EEFSEC: variants seen among roughly 807,000 people sequenced by gnomAD.
EEFSEC encodes the protein selenocysteine-specific elongation factor.
EEFSEC carries 43 observed loss-of-function variants against 42.1 expected under a neutral mutation model. That is an observed-to-expected ratio of 1.02 (90% CI 0.80 to 1.32). EEFSEC has a LOEUF of 1.32. Among genes scored for constraint, EEFSEC ranks in the 40% most tolerant of loss-of-function variants. EEFSEC has a pLI of 0.00. For synonymous variants in EEFSEC, 354 were observed against 339.1 expected, an observed-to-expected ratio of 1.04 and a Z score of -0.48; for missense variants, 745 against 803.6, an observed-to-expected ratio of 0.93 and a Z score of 0.88.
chr3:128,188,839 C>T (rs538181328), intron 1 of EEFSEC, among the ~76,000 whole-genome samples: 151 of 152,312 alleles, frequency 9.9e-4, no homozygotes, highest in African/African-American at 3.3e-3. Context: ...TTACTGGATT[C>T]CCCTCCCAGC....
At chr3:128,222,364 A>G (rs761147708) in intron 1 of EEFSEC, among the ~76,000 whole-genome samples, 3 of 152,180 alleles carry the variant, frequency 2.0e-5, no homozygotes, top group Non-Finnish European at 1.5e-5. Context: ...AGAAGTACTC[A>G]TGTATGTTGA....
intron 1 of EEFSEC, among the ~76,000 whole-genome samples, chr3:128,223,940 A>G (rs909349697): frequency 6.6e-6 from 1 of 151,888 alleles, no homozygotes; most frequent in Admixed American, 6.6e-5. Flanking sequence ...TCCCTTTTAC[A>G]TTTATTATTA....
chr3:128,300,167 TCC>T (rs2066751435), intron 4 of EEFSEC, among the ~76,000 whole-genome samples: 1 of 152,242 alleles, frequency 6.6e-6, no homozygotes, highest in African/African-American at 2.4e-5. Context: ...TCTGGCCACC[TCC>T]CCAGCTGCCT....
In EEFSEC at chr3:128,397,611, C is replaced by T. The variant is rs146003354; in HGVS notation, c.1601-10458C>T. ...GTCCAGTGTCCTTCCCATCCAGACA[C>T]TTGTCAAACCTCAGCCCCGCCCAGG... On this transcript the variant is annotated intron_variant, in intron 6 of 6. Coordinates refer to ENST00000254730, the MANE Select transcript of EEFSEC (RefSeq NM_021937.5). Among the ~76,000 whole-genome samples the T allele has an allele frequency of 3.5e-3, 527 of 152,356 alleles. 1 individual carries two copies. Among genetic ancestry groups the T allele is most frequent in the African/African-American group, 0.012 (487 of 41,590 alleles).
chr3:128,247,148 T>G, intron 2 of EEFSEC, 105 bp downstream of exon 2: 1 of 1,175,382 alleles, frequency 8.5e-7, no homozygotes, highest in Non-Finnish European at 1.2e-6. Flanking sequence ...CAGCCTCCCG[T>G]CCTAGTAAGT....
At chr3:128,198,238 A>T (rs1381268603) in intron 1 of EEFSEC, among the ~76,000 whole-genome samples, 1 of 152,206 alleles carries the variant, frequency 6.6e-6, no homozygotes, top group Non-Finnish European at 1.5e-5. Flanking sequence ...ATAGCTCTGG[A>T]GTGGAGTGCC....
At chr3:128,323,461 T>C (rs1449062852) in intron 4 of EEFSEC, among the ~76,000 whole-genome samples, 1 of 152,230 alleles carries the variant, frequency 6.6e-6, no homozygotes, top group African/African-American at 2.4e-5. Flanking sequence ...TTTGAAGTGC[T>C]GGAAACAGCA....
intron 6 of EEFSEC, among the ~76,000 whole-genome samples, chr3:128,373,255 G>T (rs1290666247): frequency 6.6e-6 from 1 of 152,192 alleles, no homozygotes; most frequent in Non-Finnish European, 1.5e-5. Context: ...GTGGAGTTCC[G>T]TGCAATGTGG....
chr3:128,389,053 T>G (rs1230018671), intron 6 of EEFSEC, among the ~76,000 whole-genome samples: 1 of 151,876 alleles, frequency 6.6e-6, no homozygotes, highest in Non-Finnish European at 1.5e-5. Flanking sequence ...AGGGCAGGAG[T>G]TCCAGGCAAG....
At chr3:128,217,889 G>A (rs760010811) in intron 1 of EEFSEC, among the ~76,000 whole-genome samples, 4 of 152,178 alleles carry the variant, frequency 2.6e-5, no homozygotes, top group East Asian at 1.9e-4. Flanking sequence ...GGAACTATGC[G>A]AACATTTTTC....
chr3:128,364,338 A>T (rs1487738426), intron 6 of EEFSEC, among the ~76,000 whole-genome samples: 1 of 152,024 alleles, frequency 6.6e-6, no homozygotes, highest in African/African-American at 2.4e-5. Flanking sequence ...GTGGCTGGGA[A>T]TGGGGGAAAG....
intron 6 of EEFSEC, among the ~76,000 whole-genome samples, chr3:128,369,929 A>T (rs761925859): frequency 1.3e-5 from 2 of 152,234 alleles, no homozygotes; most frequent in Non-Finnish European, 2.9e-5. Context: ...CTGCAGAACC[A>T]CAACGCAGTT....
At chr3:128,374,915 A>C (rs1426573446) in intron 6 of EEFSEC, among the ~76,000 whole-genome samples, 1 of 152,204 alleles carries the variant, frequency 6.6e-6, no homozygotes, top group Admixed American at 6.5e-5. Flanking sequence ...CTGGCACTGG[A>C]GCTCATGCTC....
At chr3:128,273,679 T>C (rs1431259530) in intron 4 of EEFSEC, among the ~76,000 whole-genome samples, 2 of 152,248 alleles carry the variant, frequency 1.3e-5, no homozygotes, top group Admixed American at 6.5e-5. Context: ...GGCCTGGACC[T>C]GTGACAGTGG....
At chr3:128,210,739 A>G (rs2065747635) in intron 1 of EEFSEC, among the ~76,000 whole-genome samples, 1 of 152,220 alleles carries the variant, frequency 6.6e-6, no homozygotes, top group Non-Finnish European at 1.5e-5. Flanking sequence ...CACACGTGTC[A>G]TGACATTGAG....
intron 1 of EEFSEC, among the ~76,000 whole-genome samples, chr3:128,180,616 A>G (rs891812209): frequency 1.3e-5 from 2 of 152,258 alleles, no homozygotes; most frequent in African/African-American, 4.8e-5. Context: ...AGTGAATTAC[A>G]GATGTGCAGT....
chr3:128,242,071 A>G (rs903120161), intron 1 of EEFSEC, among the ~76,000 whole-genome samples: 3 of 152,220 alleles, frequency 2.0e-5, no homozygotes, highest in African/African-American at 7.2e-5. Flanking sequence ...TCCTAGTAGC[A>G]CTTTGGGAGC....
chr3:128,358,268 A>G lies in EEFSEC; in HGVS notation c.1495A>G (p.Asn499Asp). 1 of 1,614,230 alleles carries G rather than the reference A, an allele frequency of 6.2e-7. No individual in the cohort carries two copies. The highest frequency in any genetic ancestry group is 8.5e-7 in the Non-Finnish European group (1 of 1,180,030). Reference protein sequence around the residue: ...IGRSLFKKETNIQLFVGLKVH... With the variant: ...IGRSLFKKETDIQLFVGLKVH... ...CCGCTCCCTGTTCAAAAAGGAAACC[A>G]ACATCCAGCTCTTCGTGGGGCTCAA... Residue 499 changes from asparagine to aspartate, a missense_variant, in exon 6 of 7, where the codon AAC becomes GAC. Coordinates refer to ENST00000254730, the MANE Select transcript of EEFSEC (RefSeq NM_021937.5).
chr3:128,211,986 A>T (rs1197777315), intron 1 of EEFSEC, among the ~76,000 whole-genome samples: 3 of 149,604 alleles, frequency 2.0e-5, no homozygotes, highest in African/African-American at 7.4e-5. Flanking sequence ...CAGCCTCCTC[A>T]GTGGCTGGGA....
Sources: gnomAD v4.1 joint callset for allele counts (sites outside exome capture counted in the v4.1 genomes callset) on GRCh38, gnomAD v4.1.1 for gene constraint, MANE v1.5 for transcripts, NCBI Gene and HGNC (gene_info 2026-07-23, HGNC 2026-07-21) for gene names.